CSMD1: variants seen among roughly 807,000 people sequenced by gnomAD.
CSMD1 encodes the protein CUB and sushi domain-containing protein 1.
Under a neutral mutation model 417.5 loss-of-function variants are expected in CSMD1, and 213 were observed. That is an observed-to-expected ratio of 0.51 (90% confidence interval 0.46 to 0.57). The LOEUF is 0.57. Ranked by LOEUF, CSMD1 falls within the 20% of genes least tolerant of loss-of-function variation. The pLI is 0.00. For synonymous variants in CSMD1, 2,862 were observed against 1,736.8 expected, an observed-to-expected ratio of 1.65 and a Z score of -16.11; for missense variants, 6,923 against 4,529.7, an observed-to-expected ratio of 1.53 and a Z score of -15.17.
intron 3 of CSMD1, among the ~76,000 whole-genome samples, chr8:4,388,115 C>CAGAGA (rs1563121189): frequency 3.3e-5 from 5 of 152,014 alleles, no homozygotes; most frequent in African/African-American, 1.2e-4. Flanking sequence ...CTGTCTCTGC[C>CAGAGA]CAGCTAAATG....
intron 2 of CSMD1, among the ~76,000 whole-genome samples, chr8:4,609,210 G>A (rs1275976694): frequency 1.3e-5 from 2 of 152,100 alleles, no homozygotes; most frequent in African/African-American, 4.8e-5. Context: ...GACCAGCCTG[G>A]ACAAGATGGT....
chr8:3,184,100 C>T (rs1821601587), intron 36 of CSMD1, among the ~76,000 whole-genome samples: 1 of 152,172 alleles, frequency 6.6e-6, no homozygotes, highest in Non-Finnish European at 1.5e-5. Flanking sequence ...CTGACTGCTG[C>T]TTGCTTTTCT....
intron 8 of CSMD1, among the ~76,000 whole-genome samples, chr8:3,606,471 G>A (rs1014412972): frequency 2.0e-5 from 3 of 150,566 alleles, no homozygotes; most frequent in Non-Finnish European, 4.4e-5. Context: ...AAAAGATATG[G>A]TATGAAAGAC....
At position 4,623,252 on chromosome 8, in the gene CSMD1, G is replaced by C. The variant is rs116594607; in HGVS notation, c.302+14090C>G. Among the ~76,000 whole-genome samples, 822 of 152,180 alleles carry C rather than the reference G, an allele frequency of 5.4e-3. 9 individuals are homozygous for C. The highest frequency in any genetic ancestry group is 0.019 in the African/African-American group (795 of 41,500). ...AGCACATAAAATACTAATATTATTG[G>C]TCATCAGGGAAATGCAAATTCACAT... On this transcript the variant is annotated intron_variant, in intron 2 of 69. Coordinates refer to ENST00000635120, the MANE Select transcript of CSMD1 (RefSeq NM_033225.6).
At chr8:3,498,072 T>G (rs1432127978) in intron 10 of CSMD1, among the ~76,000 whole-genome samples, 5 of 151,998 alleles carry the variant, frequency 3.3e-5, no homozygotes, top group Non-Finnish European at 7.4e-5. Context: ...GGGTATAGTA[T>G]TCTTGGCTGA....
intron 5 of CSMD1, among the ~76,000 whole-genome samples, chr8:3,954,317 G>A (rs1163600809): frequency 2.6e-5 from 4 of 152,182 alleles, no homozygotes; most frequent in South Asian, 2.1e-4. Context: ...GCATGCACGC[G>A]AAGGCTGAAG....
intron 1 of CSMD1, among the ~76,000 whole-genome samples, chr8:4,810,864 A>C (rs971770259): frequency 4.6e-5 from 7 of 152,244 alleles, no homozygotes; most frequent in African/African-American, 1.7e-4. Context: ...ATGATTTATA[A>C]GAAAACTGTA....
chr8:3,861,843 C>T (rs372479650), intron 5 of CSMD1, among the ~76,000 whole-genome samples: 2 of 152,176 alleles, frequency 1.3e-5, no homozygotes, highest in Non-Finnish European at 2.9e-5. Context: ...AAGCCACTGG[C>T]TTTTAAATGT....
chr8:4,132,570 C>G (rs533031900), intron 3 of CSMD1, among the ~76,000 whole-genome samples: 1 of 152,118 alleles, frequency 6.6e-6, no homozygotes, highest in Non-Finnish European at 1.5e-5. Context: ...GCCCTTTGTG[C>G]TATAGCATAC....
intron 10 of CSMD1, among the ~76,000 whole-genome samples, chr8:3,496,036 T>A (rs1241216739): frequency 6.6e-6 from 1 of 152,152 alleles, no homozygotes; most frequent in South Asian, 2.1e-4. Flanking sequence ...ATGCATTAGC[T>A]CTTTTCCCTG....
chr8:3,421,190 A>G (rs972427027), intron 12 of CSMD1, among the ~76,000 whole-genome samples: 12 of 152,342 alleles, frequency 7.9e-5, no homozygotes, highest in African/African-American at 2.9e-4. Flanking sequence ...ACTACAAGAC[A>G]GTTGAAACCA....
intron 4 of CSMD1, among the ~76,000 whole-genome samples, chr8:4,019,111 T>G (rs1404858907): frequency 6.6e-6 from 1 of 152,180 alleles, no homozygotes; most frequent in Non-Finnish European, 1.5e-5. Flanking sequence ...AGATACATAT[T>G]TTTGTACTAG....
At chr8:3,653,925 G>C (rs982781846) in intron 7 of CSMD1, among the ~76,000 whole-genome samples, 1 of 152,172 alleles carries the variant, frequency 6.6e-6, no homozygotes, top group Non-Finnish European at 1.5e-5. Flanking sequence ...TCTTGTGTCT[G>C]AAACTGACAA....
intron 3 of CSMD1, among the ~76,000 whole-genome samples, chr8:4,050,355 T>G (rs1279350464): frequency 6.6e-6 from 1 of 152,222 alleles, no homozygotes; most frequent in African/African-American, 2.4e-5. Flanking sequence ...ACTAAAGTAA[T>G]TAATCAAGAG....
intron 3 of CSMD1, among the ~76,000 whole-genome samples, chr8:4,303,422 G>GTTTTTT (rs71511194): frequency 4.7e-5 from 4 of 85,250 alleles, no homozygotes; most frequent in African/African-American, 1.9e-4. Context: ...GCAGGAAGCT[G>GTTTTTT]TTTTTTTTTT....
intron 49 of CSMD1, among the ~76,000 whole-genome samples, chr8:3,065,361 G>A (rs925246474): frequency 6.6e-6 from 1 of 151,874 alleles, no homozygotes; most frequent in African/African-American, 2.4e-5. Flanking sequence ...TAGATAAGTG[G>A]ATAGATAAAT....
At chr8:4,602,178 C>A (rs764521851) in intron 2 of CSMD1, among the ~76,000 whole-genome samples, 3 of 152,120 alleles carry the variant, frequency 2.0e-5, no homozygotes, top group Non-Finnish European at 4.4e-5. Flanking sequence ...AATTAATTCC[C>A]TTATTTCATG....
chr8:4,358,704 T>C (rs1310599172), intron 3 of CSMD1, among the ~76,000 whole-genome samples: 2 of 152,206 alleles, frequency 1.3e-5, no homozygotes, highest in African/African-American at 2.4e-5. Context: ...AAACCAGGTA[T>C]TTGTAGCTTA....
chr8:3,605,401 G>C (rs113868188), intron 8 of CSMD1, among the ~76,000 whole-genome samples: 1 of 152,134 alleles, frequency 6.6e-6, no homozygotes, highest in African/African-American at 2.4e-5. Context: ...CTCTGCTCTC[G>C]CTGGAGTTGA....
Sources: gnomAD v4.1 joint callset for allele counts (sites outside exome capture counted in the v4.1 genomes callset) on GRCh38, gnomAD v4.1.1 for gene constraint, MANE v1.5 for transcripts, NCBI Gene and HGNC (gene_info 2026-07-23, HGNC 2026-07-21) for gene names.